The following BRCA2 variants were observed in gnomAD, a reference collection of about 807,000 sequenced individuals.
BRCA2 encodes breast cancer type 2 susceptibility protein.
Under a neutral mutation model 276.7 loss-of-function variants are expected in BRCA2, and 203 were observed. The observed-to-expected ratio is 0.73, with a 90% CI of 0.65 to 0.82. BRCA2 has a LOEUF of 0.82. Among genes scored for constraint, BRCA2 ranks in the 40% least tolerant of loss-of-function variants. The pLI, the probability that BRCA2 is intolerant of heterozygous loss-of-function variation, is 0.00. For synonymous variants in BRCA2, 1,289 were observed against 1,338.4 expected (o/e 0.96, Z 0.81); for missense variants, 3,920 against 3,915.0 (o/e 1.00, Z -0.03).
At chr13:32,345,769 T>C (rs941821244) in intron 12 of BRCA2, among the ~76,000 whole-genome samples, 1 of 152,062 alleles carries the variant, frequency 6.6e-6, no homozygotes, top group Admixed American at 6.5e-5. Context: ...TGTAATTTTA[T>C]ACAATATTTT....
In BRCA2 at chr13:32,376,697, C is replaced by T. The variant is rs2072874696; in HGVS notation, c.8660C>T (p.Ser2887Leu). The change falls in exon 21 of 27, where the codon TCA becomes TTA. Residue 2887 changes from serine to leucine, a missense_variant. By Grantham distance (145) the Ser-to-Leu change is moderately radical. This residue lies in a region of BRCA2 where 657 missense variants were observed against 758.2 expected (regional missense o/e 0.87). Transcript: ENST00000380152. ...AACACAACAAAACCATATTTACCAT[C>T]ACGTGCACTAACAAGACAGCAAGTT... ...EENTTKPYLP[S>L]RALTRQQVRA... is the part of the protein sequence containing the mutation. The T allele has an allele frequency of 6.2e-7, 1 of 1,614,074 alleles. No homozygotes were observed. Among genetic ancestry groups the T allele is most frequent in the Non-Finnish European group, 8.5e-7 (1 of 1,179,998 alleles).
In BRCA2 at chr13:32,341,007, G is replaced by C. The variant is rs730881547; in HGVS notation, c.6652G>C (p.Asp2218His). ...NIEVCSTYSKDSENYFETEAV... is the reference protein window; with the variant it reads ...NIEVCSTYSKHSENYFETEAV... ...AGAAGTTTGTTCTACTTACTCCAAAGATTCAGAAAACTACTTTGAAACAGA... is the reference window on the plus strand; with the variant it reads ...AGAAGTTTGTTCTACTTACTCCAAACATTCAGAAAACTACTTTGAAACAGA... Residue 2218 changes from aspartate to histidine, a missense_variant, in exon 11 of 27, where the codon GAT becomes CAT. By Grantham distance (81) the Asp-to-His change is moderately conservative. Transcript: ENST00000380152. 6.2e-7 allele frequency: 1 copy of C among 1,612,798 alleles called. No individual in the cohort carries two copies. Among genetic ancestry groups the C allele is most frequent in the African/African-American group, 1.3e-5 (1 of 74,960 alleles).
chr13:32,337,233 A>G lies in BRCA2; in HGVS notation c.2878A>G (p.Lys960Glu), dbSNP rs876659267. The G allele has an allele frequency of 6.2e-7, 1 of 1,612,316 alleles. No homozygotes were observed. Among genetic ancestry groups the G allele is most frequent in the African/African-American group, 1.3e-5 (1 of 74,750 alleles). ...TGCAGAGGAGAACAAAAATAGTGTA[A>G]AGCAGCATATAAAAATGACTCTAGG... ...VLAEENKNSV[K>E]QHIKMTLGQD... is the part of the protein sequence containing the mutation. The change falls in exon 11 of 27, where the codon AAG (lysine) becomes GAG (glutamate). Residue 960 changes from lysine (K) to glutamate (E), a missense_variant. Physicochemically the swap from Lys to Glu is moderately conservative, Grantham distance 56. Coordinates refer to ENST00000380152, the MANE Select transcript of BRCA2 (RefSeq NM_000059.4).
chr13:32,330,947 A>G lies in BRCA2; in HGVS notation c.710A>G (p.Asp237Gly), dbSNP rs730881506. Reference sequence around the variant, plus strand: ...GTGAAAAGCTATTTTTCCAATCATGATGAAAGTCTGAAGAAAAATGATAGA... The same window carrying G: ...GTGAAAAGCTATTTTTCCAATCATGGTGAAAGTCTGAAGAAAAATGATAGA... The part of the protein sequence containing the change: ...ANVKSYFSNH[D>G]ESLKKNDRFI... The change falls in exon 9 of 27, where the codon GAT becomes GGT. Residue 237 changes from aspartate to glycine, a missense_variant. This residue lies in a region of BRCA2 where 3,263 missense variants were observed against 3,156.9 expected (regional missense o/e 1.03). Coordinates refer to ENST00000380152, the MANE Select transcript of BRCA2 (RefSeq NM_000059.4). 1 of 1,612,830 alleles carries G rather than the reference A, an allele frequency of 6.2e-7. No individual in the cohort carries two copies. Among genetic ancestry groups the G allele is most frequent in the Non-Finnish European group, 8.5e-7 (1 of 1,179,044 alleles).
Position 32,338,495 on chromosome 13 carries a change from T to G in BRCA2, c.4140T>G (p.Ile1380Met), listed in dbSNP as rs587781488. Reference protein sequence around the residue: ...GQFMKEGNTQIKEDLSDLTFL... With the variant: ...GQFMKEGNTQMKEDLSDLTFL... The stretch of plus-strand genomic sequence containing the variant: ...TTATGAAGGAGGGAAACACTCAGAT[T>G]AAAGAAGATTTGTCAGATTTAACTT... The change falls in exon 11 of 27, where the codon ATT becomes ATG. Residue 1380 changes from isoleucine to methionine, a missense_variant. Ile to Met is a conservative substitution (Grantham distance 10, BLOSUM62 1). Around this residue, in one of 2 missense-constraint regions of BRCA2, gnomAD observed 3,263 missense variants for 3,156.9 expected, o/e 1.03. Transcript: ENST00000380152. The G allele has an allele frequency of 1.9e-6, 3 of 1,609,154 alleles. No homozygotes were observed. The highest frequency in any genetic ancestry group is 2.2e-5 in the South Asian group (2 of 89,350).
intron 11 of BRCA2, among the ~76,000 whole-genome samples, chr13:32,343,648 T>G (rs2072589318): frequency 6.6e-6 from 1 of 152,188 alleles, no homozygotes; most frequent in South Asian, 2.1e-4. Context: ...AATAATGGCT[T>G]TATTTATAGC....
rs1193306401 is a variant in BRCA2, at chr13:32,362,570, T to C, written c.7853T>C (p.Ile2618Thr). 6.2e-7 allele frequency: 1 copy of C among 1,613,996 alleles called. No homozygotes were observed. Among genetic ancestry groups the C allele is most frequent in the Non-Finnish European group, 8.5e-7 (1 of 1,179,976 alleles). ...PGVDPKLISR[I>T]WVYNHYRWII... ...GTGGATCCAAAGCTTATTTCTAGAA[T>C]TTGGGTTTATAATCACTATAGATGG... The change falls in exon 17 of 27, where the codon ATT (isoleucine) becomes ACT (threonine). Residue 2618 changes from isoleucine to threonine, a missense_variant. By Grantham distance (89) the Ile-to-Thr change is moderately conservative. Transcript: ENST00000380152.
rs876659382 is a variant in BRCA2, at chr13:32,363,536, A to C, written c.8331+3A>C. On this transcript the variant is annotated splice_donor_region_variant and intron_variant, in intron 18 of 26. Transcript: ENST00000380152. The stretch of plus-strand genomic sequence containing the variant: ...CCCCAGAATCTCTTATGTTAAAGGT[A>C]AATTAATTTGCACTCTTGGTAAAAA... The C allele has an allele frequency of 2.5e-6, 4 of 1,609,992 alleles. No individual in the cohort carries two copies. In the African/African-American group the frequency reaches 5.3e-5, roughly 22 times the overall value.
Position 32,376,796 on chromosome 13 carries a change from G to A in BRCA2, c.8754+5G>A, listed in dbSNP as rs81002813. 1 of 1,613,964 alleles carries A rather than the reference G, an allele frequency of 6.2e-7. No homozygotes were observed. Among genetic ancestry groups the A allele is most frequent in the Non-Finnish European group, 8.5e-7 (1 of 1,179,934 alleles). The stretch of plus-strand genomic sequence containing the variant: ...GCAGACCCAGCTTACCTTGAGGTGA[G>A]AGAGTAAGAGGACATATAATGAGGC... On this transcript the variant is annotated splice_donor_5th_base_variant and intron_variant, in intron 21 of 26. Transcript: ENST00000380152.
chr13:32,318,253 T>C (rs542275725), intron 2 of BRCA2, among the ~76,000 whole-genome samples: 161 of 152,280 alleles, frequency 1.1e-3, no homozygotes, highest in Admixed American at 2.9e-3. Context: ...CATAGCGTTA[T>C]TATGAAAGTA....
In BRCA2 at chr13:32,336,783, A is replaced by G. The variant is rs80358508; in HGVS notation, c.2428A>G (p.Thr810Ala). The change falls in exon 11 of 27, where the codon ACC (threonine) becomes GCC (alanine). Residue 810 changes from threonine (T) to alanine (A), a missense_variant. By Grantham distance (58) the Thr-to-Ala change is moderately conservative. Transcript: ENST00000380152. ...GNNYESDVEL[T>A]KNIPMEKNQD... ...CAATTATGAATCTGATGTTGAATTA[A>G]CCAAAAATATTCCCATGGAAAAGAA... 6.2e-7 allele frequency: 1 copy of G among 1,609,320 alleles called. No homozygotes were observed. Among genetic ancestry groups the G allele is most frequent in the Admixed American group, 1.7e-5 (1 of 59,044 alleles).
Position 32,336,446 on chromosome 13 carries a change from A to G in BRCA2, c.2091A>G (p.Lys697=), listed in dbSNP as rs876659230. Residue 697 remains lysine (K), a synonymous_variant, in exon 11 of 27, where the codon AAA becomes AAG. Coordinates refer to ENST00000380152, the MANE Select transcript of BRCA2 (RefSeq NM_000059.4). ...DYKEAKCNKE[K]LQLFITPEAD... is the part of the protein sequence containing the mutation. Reference sequence around the variant, plus strand: ...AAGAAGCAAAATGTAATAAGGAAAAACTACAGTTATTTATTACCCCAGAAG... The same window carrying G: ...AAGAAGCAAAATGTAATAAGGAAAAGCTACAGTTATTTATTACCCCAGAAG... The G allele has an allele frequency of 6.2e-6, 10 of 1,613,800 alleles. No homozygotes were observed. The highest frequency in any genetic ancestry group is 8.5e-6 in the Non-Finnish European group (10 of 1,179,902).
rs587782590 is a variant in BRCA2, at chr13:32,325,185, G to A, written c.425+1G>A. 6.5e-7 allele frequency: 1 copy of A among 1,530,828 alleles called. No individual in the cohort carries two copies. The highest frequency in any genetic ancestry group is 1.1e-5 in the South Asian group (1 of 89,094). The allele number at this position is 1,530,828 out of a possible 1,614,324, so 94.8% of individuals were successfully genotyped here. On this transcript the variant is annotated splice_donor_variant, in intron 4 of 26. Transcript: ENST00000380152. LOFTEE classifies it high-confidence loss of function. ...TTCTAAATTCTTGTCTTAGTGAAAGGTATGATGAAGCTATTATATTAAAAT... is the reference window on the plus strand; with the variant it reads ...TTCTAAATTCTTGTCTTAGTGAAAGATATGATGAAGCTATTATATTAAAAT...
At chr13:32,334,605 C>G (rs1468800566) in intron 10 of BRCA2, among the ~76,000 whole-genome samples, 1 of 150,776 alleles carries the variant, frequency 6.6e-6, no homozygotes, top group Non-Finnish European at 1.5e-5. Flanking sequence ...GCCCAAGTGA[C>G]TGAGGCTGCA....
chr13:32,340,808 T>G lies in BRCA2; in HGVS notation c.6453T>G (p.Val2151=). 1.3e-6 allele frequency: 2 copies of G among 1,592,384 alleles called. No individual in the cohort carries two copies. The highest frequency in any genetic ancestry group is 1.7e-6 in the Non-Finnish European group (2 of 1,173,044). Residue 2151 remains valine, a synonymous_variant, in exon 11 of 27, where the codon GTT becomes GTG. Coordinates refer to ENST00000380152, the MANE Select transcript of BRCA2 (RefSeq NM_000059.4). The stretch of plus-strand genomic sequence containing the variant: ...CAGAAAATAATCACTCTATTAAAGT[T>G]TCTCCATATCTCTCTCAATTTCAAC... ...GSSENNHSIK[V]SPYLSQFQQD... is the part of the protein sequence containing the mutation.
At chr13:32,329,034 G>A (rs1473168811) in intron 7 of BRCA2, among the ~76,000 whole-genome samples, 1 of 152,134 alleles carries the variant, frequency 6.6e-6, no homozygotes, top group Non-Finnish European at 1.5e-5. Flanking sequence ...CTGTTGCTTA[G>A]ATGAAATAAT....
intron 18 of BRCA2, among the ~76,000 whole-genome samples, chr13:32,364,380 T>G (rs921436977): frequency 6.6e-6 from 1 of 152,206 alleles, no homozygotes; most frequent in Non-Finnish European, 1.5e-5. Context: ...CCAGTCTGTT[T>G]GACTATTTTT....
At chr13:32,365,759 T>G (rs1197060926) in intron 18 of BRCA2, among the ~76,000 whole-genome samples, 2 of 150,052 alleles carry the variant, frequency 1.3e-5, no homozygotes, top group African/African-American at 2.4e-5. Context: ...TTTTTTTCCT[T>G]TAATTCTTGG....
At chr13:32,388,553 C>G (rs901639321) in intron 24 of BRCA2, among the ~76,000 whole-genome samples, 1 of 151,866 alleles carries the variant, frequency 6.6e-6, no homozygotes, top group Non-Finnish European at 1.5e-5. Context: ...AAAAACAGGC[C>G]TTGCGTTAGA....
Sources: allele counts gnomAD v4.1 joint callset (sites outside exome capture counted in the v4.1 genomes callset), GRCh38; gene constraint gnomAD v4.1.1; regional missense constraint gnomAD v4.1.1; transcripts MANE v1.5; gene names NCBI Gene and HGNC (gene_info 2026-07-23, HGNC 2026-07-21).